The following SPOCK1 variants were observed in gnomAD, a reference collection of about 807,000 sequenced individuals.
The protein encoded by SPOCK1 is testican-1.
SPOCK1 carries 23 observed loss-of-function variants against 55.3 expected under a neutral mutation model. The ratio of observed to expected loss-of-function variants is 0.42; its 90% CI spans 0.30 to 0.59. The LOEUF (loss-of-function observed/expected upper bound fraction) is 0.59, where lower values mean the gene tolerates loss of function less well. Ranked by LOEUF, SPOCK1 falls within the 20% of genes least tolerant of loss-of-function variation. The probability of loss-of-function intolerance (pLI) is 0.22; values close to 1 mark genes in which losing one functional copy is unlikely to be tolerated. For missense variants in SPOCK1, 499 were observed against 552.5 expected, an observed-to-expected ratio of 0.90 and a Z score of 0.97; for synonymous variants, 226 against 221.0, an observed-to-expected ratio of 1.02 and a Z score of -0.20.
chr5:137,011,568 G>A (rs1367681183), intron 6 of SPOCK1, among the ~76,000 whole-genome samples: 1 of 152,258 alleles, frequency 6.6e-6, no homozygotes, highest in Non-Finnish European at 1.5e-5. Context: ...GATTGCAATG[G>A]TTAAAACATC....
chr5:137,210,012 C>G (rs1755583165), intron 3 of SPOCK1, among the ~76,000 whole-genome samples: 1 of 152,150 alleles, frequency 6.6e-6, no homozygotes, highest in Admixed American at 6.5e-5. Context: ...TGTTACAAAG[C>G]CAGAACTGCA....
At chr5:137,459,768 G>A (rs1753441851) in intron 2 of SPOCK1, among the ~76,000 whole-genome samples, 1 of 152,140 alleles carries the variant, frequency 6.6e-6, no homozygotes, top group South Asian at 2.1e-4. Context: ...ACTACATGGT[G>A]AGGCCATTAC....
At chr5:137,418,903 A>T (rs976553728) in intron 2 of SPOCK1, among the ~76,000 whole-genome samples, 4 of 152,294 alleles carry the variant, frequency 2.6e-5, no homozygotes, top group East Asian at 1.9e-4. Flanking sequence ...GGTATTGCCA[A>T]GGTTTTCTTC....
rs778604579 is a variant in SPOCK1, at chr5:136,992,511, G to T, written c.679C>A (p.Pro227Thr). ...LHEDANRVIK[P>T]TSSNTAQGRF... is the part of the protein sequence containing the mutation. ...CCTTGGGCTGTGTTGGAGCTGGTGG[G>T]CTTGATGACTCTGTTCGCATCCTCG... is the stretch of plus-strand genomic sequence containing the variant. The change falls in exon 7 of 11, where the codon CCC becomes ACC. Residue 227 changes from proline (P) to threonine (T), a missense_variant. Physicochemically the swap from Pro to Thr is conservative, Grantham distance 38 (BLOSUM62 -1). Around this residue, in one of 3 missense-constraint regions of SPOCK1, gnomAD observed 386 missense variants for 400.6 expected, o/e 0.96. Transcript: ENST00000394945. The T allele has an allele frequency of 6.2e-7, 1 of 1,613,468 alleles. No homozygotes were observed. Among genetic ancestry groups the T allele is most frequent in the South Asian group, 1.1e-5 (1 of 90,968 alleles).
At chr5:137,200,144 T>C (rs1023698973) in intron 3 of SPOCK1, among the ~76,000 whole-genome samples, 1 of 152,104 alleles carries the variant, frequency 6.6e-6, no homozygotes, top group African/African-American at 2.4e-5. Flanking sequence ...CCCCATGGCT[T>C]CTCTGTTTTC....
intron 2 of SPOCK1, among the ~76,000 whole-genome samples, chr5:137,274,165 G>T (rs539728522): frequency 6.6e-6 from 1 of 152,166 alleles, no homozygotes; most frequent in African/African-American, 2.4e-5. Flanking sequence ...TGCTCCATTT[G>T]TACTCTGGCC....
intron 3 of SPOCK1, among the ~76,000 whole-genome samples, chr5:137,241,433 T>C (rs1442665547): frequency 2.0e-5 from 3 of 152,144 alleles, no homozygotes; most frequent in Admixed American, 6.5e-5. Flanking sequence ...TGAATAGACA[T>C]ACTTACTGCC....
intron 3 of SPOCK1, among the ~76,000 whole-genome samples, chr5:137,160,588 T>C (rs1415636476): frequency 4.5e-5 from 3 of 66,578 alleles, no homozygotes; most frequent in Non-Finnish European, 8.7e-5. Flanking sequence ...ATATATATAA[T>C]ATATAATATA....
intron 8 of SPOCK1, among the ~76,000 whole-genome samples, chr5:136,986,683 G>C (rs987087657): frequency 7.9e-5 from 12 of 151,884 alleles, no homozygotes; most frequent in African/African-American, 2.7e-4. Flanking sequence ...CACCAGGGAG[G>C]GAATATAGTG....
intron 2 of SPOCK1, among the ~76,000 whole-genome samples, chr5:137,286,582 C>T (rs1757271015): frequency 6.6e-6 from 1 of 152,102 alleles, no homozygotes. Flanking sequence ...TGCTAGTGTA[C>T]CTCCCAGGGA....
At chr5:137,167,957 G>T (rs959656031) in intron 3 of SPOCK1, among the ~76,000 whole-genome samples, 1 of 151,738 alleles carries the variant, frequency 6.6e-6, no homozygotes, top group Non-Finnish European at 1.5e-5. Context: ...CTTACTAGAA[G>T]AAAAGAAATA....
At chr5:136,981,057 G>A (rs1256018736) in intron 9 of SPOCK1, among the ~76,000 whole-genome samples, 1 of 152,112 alleles carries the variant, frequency 6.6e-6, no homozygotes, top group Non-Finnish European at 1.5e-5. Context: ...TTCTCAAAGT[G>A]AGGTTCCAGG....
intron 5 of SPOCK1, among the ~76,000 whole-genome samples, chr5:137,078,090 C>G (rs1392255298): frequency 6.6e-6 from 1 of 152,060 alleles, no homozygotes; most frequent in Non-Finnish European, 1.5e-5. Flanking sequence ...AGGAGGAGAA[C>G]AGAGGAGATG....
chr5:137,039,753 A>G (rs1234124480), intron 6 of SPOCK1, among the ~76,000 whole-genome samples: 1 of 152,182 alleles, frequency 6.6e-6, no homozygotes, highest in South Asian at 2.1e-4. Context: ...AAGCCACCAC[A>G]TTGGGCAGGT....
At chr5:136,999,761 C>T (rs1216227461) in intron 6 of SPOCK1, among the ~76,000 whole-genome samples, 3 of 152,118 alleles carry the variant, frequency 2.0e-5, no homozygotes, top group Non-Finnish European at 2.9e-5. Context: ...TAAGAAGTGG[C>T]GAGCAAGTGT....
chr5:137,311,109 A>G (rs1263463190), intron 2 of SPOCK1, among the ~76,000 whole-genome samples: 3 of 152,210 alleles, frequency 2.0e-5, no homozygotes, highest in Non-Finnish European at 4.4e-5. Flanking sequence ...TCAGGCCACA[A>G]GGTAGAGCCT....
At chr5:137,038,378 G>A (rs1372070128) in intron 6 of SPOCK1, among the ~76,000 whole-genome samples, 4 of 152,200 alleles carry the variant, frequency 2.6e-5, no homozygotes, top group Admixed American at 2.0e-4. Flanking sequence ...AACCAGGCCT[G>A]GGAAGGGATG....
At chr5:137,004,082 T>C (rs934763231) in intron 6 of SPOCK1, among the ~76,000 whole-genome samples, 4 of 152,156 alleles carry the variant, frequency 2.6e-5, no homozygotes, top group Non-Finnish European at 4.4e-5. Flanking sequence ...GGTGGTAGCA[T>C]TGACTCTTTC....
At chr5:137,073,678 T>A (rs1257815967) in intron 5 of SPOCK1, among the ~76,000 whole-genome samples, 1 of 152,174 alleles carries the variant, frequency 6.6e-6, no homozygotes, top group South Asian at 2.1e-4. Context: ...AAAATGCTTT[T>A]TTTTTTTACA....
Sources: gnomAD v4.1 joint callset for allele counts (sites outside exome capture counted in the v4.1 genomes callset) on GRCh38, gnomAD v4.1.1 for gene constraint, gnomAD v4.1.1 regional missense constraint, MANE v1.5 for transcripts, NCBI Gene and HGNC (gene_info 2026-07-23, HGNC 2026-07-21) for gene names.